SRRM1: variants seen among roughly 807,000 people sequenced by gnomAD.
SRRM1 encodes serine/arginine repetitive matrix protein 1.
In SRRM1, 19 loss-of-function variants were observed where a neutral mutation model predicts 110.2. The observed-to-expected ratio is 0.17, with a 90% CI of 0.12 to 0.25. The LOEUF (loss-of-function observed/expected upper bound fraction) is 0.25. Among genes scored for constraint, SRRM1 ranks in the 10% least tolerant of loss-of-function variants. The pLI, the probability that SRRM1 is intolerant of heterozygous loss-of-function variation, is 1.00. For missense variants in SRRM1, 918 were observed against 1,145.8 expected (o/e 0.80, Z 2.87); for synonymous variants, 443 against 414.9 (o/e 1.07, Z -0.82).
intron 15 of SRRM1, 112 bp from the exon 16 acceptor site, chr1:24,671,274 C>T (rs1350277928): frequency 2.2e-5 from 26 of 1,186,946 alleles, no homozygotes; most frequent in South Asian, 1.5e-4. Flanking sequence ...CAAAGCCTTT[C>T]GGAAATCTTG....
At position 24,652,553 on chromosome 1, in the gene SRRM1, C is replaced by T. The variant is rs1457157607; in HGVS notation, c.845C>T (p.Ser282Phe). ...ACCCGACCACGATCTCGGTCACGCT[C>T]CAAATCAAGATCCCGGACGCGGTCC... ...EKTRPRSRSR[S>F]KSRSRTRSRS... Residue 282 changes from serine (S) to phenylalanine (F), a missense_variant, in exon 7 of 17, where the codon TCC becomes TTC. By Grantham distance (155) the Ser-to-Phe change is radical (BLOSUM62 -2). This residue lies in a region of SRRM1 where 456 missense variants were observed against 453.5 expected (regional missense o/e 1.01). Transcript: ENST00000323848. The T allele has an allele frequency of 1.2e-6, 2 of 1,613,890 alleles. No individual in the cohort carries two copies. The highest frequency in any genetic ancestry group is 1.7e-6 in the Non-Finnish European group (2 of 1,179,972).
Position 24,664,603 on chromosome 1 carries a change from G to T in SRRM1, c.1628+1799G>T, listed in dbSNP as rs1440863261. 3.9e-5 allele frequency among the ~76,000 whole-genome samples: 6 copies of T among 152,324 alleles called. No homozygotes were observed. The East Asian group carries it at 1.2e-3, about 29-fold the overall frequency. ...GTAGCTCAGTTTTTGAAGCTGTGTT[G>T]TTTTAGGTAATCTCATCAATAAGAG... On this transcript the variant is annotated intron_variant, in intron 12 of 16. Transcript: ENST00000323848.
chr1:24,660,829 GGTTT>G (rs779695904), intron 10 of SRRM1, 30 bp downstream of exon 10: 50 of 1,499,082 alleles, frequency 3.3e-5, no homozygotes, highest in Middle Eastern at 1.8e-4. Flanking sequence ...TTGTGATTTT[GGTTT>G]GTTTGTTTTT....
At chr1:24,658,798 T>C (rs1254479516) in intron 9 of SRRM1, among the ~76,000 whole-genome samples, 1 of 152,246 alleles carries the variant, frequency 6.6e-6, no homozygotes, top group Non-Finnish European at 1.5e-5. Flanking sequence ...GTATTAAGTA[T>C]AGTTTGCTAT....
At chr1:24,660,851 T>G (rs780002903) in intron 10 of SRRM1, 52 bp downstream of exon 10, 33 of 1,346,682 alleles carry the variant, frequency 2.5e-5, no homozygotes, top group Middle Eastern at 1.9e-4. Flanking sequence ...TTTGTTTTTC[T>G]TAAAGCTGAT....
intron 15 of SRRM1, 88 bp downstream of exon 15, chr1:24,670,403 T>C: frequency 7.5e-7 from 1 of 1,338,318 alleles, no homozygotes; most frequent in Non-Finnish European, 1.0e-6. Flanking sequence ...GGCATTAAAA[T>C]ATTGGTGTTT....
intron 12 of SRRM1, among the ~76,000 whole-genome samples, chr1:24,665,484 C>T (rs1021388011): frequency 2.0e-5 from 3 of 150,466 alleles, no homozygotes; most frequent in South Asian, 2.1e-4. Flanking sequence ...GAGGCCGAGG[C>T]GGGTGGTTCA....
At chr1:24,648,807 G>A (rs1658934394) in intron 3 of SRRM1, 52 bp from the exon 4 acceptor site, 1 of 1,553,648 alleles carries the variant, frequency 6.4e-7, no homozygotes, top group Non-Finnish European at 8.8e-7. Flanking sequence ...TGATTTGTTG[G>A]TTGGTTGGTT....
intron 6 of SRRM1, among the ~76,000 whole-genome samples, chr1:24,652,106 G>A (rs1427874370): frequency 3.5e-5 from 5 of 142,364 alleles, no homozygotes. Context: ...GTTGGCACAT[G>A]CCTATAGTCC....
chr1:24,645,645 C>T (rs1657050408), intron 1 of SRRM1, among the ~76,000 whole-genome samples: 1 of 152,166 alleles, frequency 6.6e-6, no homozygotes, highest in Admixed American at 6.5e-5. Flanking sequence ...AATGTGTTCT[C>T]ATTTAAACAG....
At position 24,669,205 on chromosome 1, in the gene SRRM1, C is replaced by T. The variant is rs1671535187; in HGVS notation, c.1822C>T (p.Pro608Ser). The change falls in exon 14 of 17, where the codon CCA becomes TCA. Residue 608 changes from proline to serine, a missense_variant. Pro to Ser is a moderately conservative substitution (Grantham distance 74). Around this residue, in one of 5 missense-constraint regions of SRRM1, gnomAD observed 357 missense variants for 402.9 expected, o/e 0.89. Transcript: ENST00000323848. Reference protein sequence around the residue: ...PPIQRRYSPSPPPKRRTASPP... With the variant: ...PPIQRRYSPSSPPKRRTASPP... ...AATACAGAGGAGATACTCTCCTTCT[C>T]CACCTCCAAAGAGAAGAACGGCTTC... 1 of 1,613,992 alleles carries T rather than the reference C, an allele frequency of 6.2e-7. No individual in the cohort carries two copies. The highest frequency in any genetic ancestry group is 1.7e-5 in the Admixed American group (1 of 59,980).
intron 9 of SRRM1, among the ~76,000 whole-genome samples, chr1:24,659,686 C>G (rs559905867): frequency 1.3e-5 from 2 of 152,278 alleles, no homozygotes; most frequent in South Asian, 2.1e-4. Flanking sequence ...GAAGTTGCTT[C>G]TTTTTAAGCC....
intron 6 of SRRM1, 145 bp downstream of exon 6, chr1:24,651,757 T>G (rs1407121172): frequency 1.4e-6 from 1 of 725,968 alleles, no homozygotes; most frequent in Non-Finnish European, 2.2e-6. Context: ...AAGAAATTGT[T>G]TAGGAGAGTA....
At chr1:24,652,660 T>G in intron 7 of SRRM1, 32 bp downstream of exon 7, 5 of 1,559,618 alleles carry the variant, frequency 3.2e-6, no homozygotes, top group Non-Finnish European at 4.3e-6. Context: ...AACAAAGATC[T>G]TAGGTTTTAT....
chr1:24,672,894 T>C lies in SRRM1; in HGVS notation c.*608T>C, dbSNP rs1483138474. The C allele has an allele frequency of 6.6e-6, 1 of 152,636 alleles. No individual in the cohort carries two copies. The highest frequency in any genetic ancestry group is 1.5e-5 in the Non-Finnish European group (1 of 68,052). The allele number at this position is 152,636 out of a possible 1,614,324, so 9.5% of individuals were successfully genotyped here. A position where few individuals can be genotyped will look rare whatever the true frequency, so the allele number is the denominator to read the frequency against. On this transcript the variant is annotated 3_prime_UTR_variant, in exon 17 of 17. Coordinates refer to ENST00000323848, the MANE Select transcript of SRRM1 (RefSeq NM_005839.4). ...GAAAGCATGTTGTTTGCCAGGACAC[T>C]GTGGGTTTATATTGATGTGTAACAA...
At chr1:24,661,730 GA>G (rs1207047043) in intron 11 of SRRM1, among the ~76,000 whole-genome samples, 1 of 152,136 alleles carries the variant, frequency 6.6e-6, no homozygotes, top group African/African-American at 2.4e-5. Flanking sequence ...AAACCCCACA[GA>G]AGCTCAACTG....
chr1:24,645,907 G>T, intron 1 of SRRM1, 77 bp from the exon 2 acceptor site: 2 of 1,150,050 alleles, frequency 1.7e-6, no homozygotes, highest in South Asian at 1.4e-5. Context: ...CCCTATTTTG[G>T]CTATAAAGGT....
Position 24,652,563 on chromosome 1 carries a change from A to T in SRRM1, c.855A>T (p.Arg285Ser). 1 of 1,613,976 alleles carries T rather than the reference A, an allele frequency of 6.2e-7. No individual in the cohort carries two copies. Among genetic ancestry groups the T allele is most frequent in the Non-Finnish European group, 8.5e-7 (1 of 1,179,976 alleles). ...GATCTCGGTCACGCTCCAAATCAAGATCCCGGACGCGGTCCCGCTCTCCTT... is the reference window on the plus strand; with the variant it reads ...GATCTCGGTCACGCTCCAAATCAAGTTCCCGGACGCGGTCCCGCTCTCCTT... ...RPRSRSRSKS[R>S]SRTRSRSPSH... is the part of the protein sequence containing the mutation. The change falls in exon 7 of 17, where the codon AGA becomes AGT. Residue 285 changes from arginine to serine, a missense_variant. Physicochemically the swap from Arg to Ser is moderately radical, Grantham distance 110. Around this residue, in one of 5 missense-constraint regions of SRRM1, gnomAD observed 456 missense variants for 453.5 expected, o/e 1.01. Coordinates refer to ENST00000323848, the MANE Select transcript of SRRM1 (RefSeq NM_005839.4).
chr1:24,664,779 A>G (rs1385968161), intron 12 of SRRM1, among the ~76,000 whole-genome samples: 6 of 152,156 alleles, frequency 3.9e-5, no homozygotes, highest in Non-Finnish European at 8.8e-5. Context: ...CCCAGCTATA[A>G]TTATCTCTGG....
Sources: allele counts gnomAD v4.1 joint callset (sites outside exome capture counted in the v4.1 genomes callset), GRCh38; gene constraint gnomAD v4.1.1; regional missense constraint gnomAD v4.1.1; transcripts MANE v1.5; gene names NCBI Gene and HGNC (gene_info 2026-07-23, HGNC 2026-07-21).